The following BSND variants were observed in gnomAD, a reference collection of about 807,000 sequenced individuals.
BSND encodes the protein barttin.
Under a neutral mutation model 18.8 loss-of-function variants are expected in BSND, and 13 were observed. The ratio of observed to expected loss-of-function variants is 0.69; its 90% CI spans 0.45 to 1.10. BSND has a LOEUF of 1.10. Among genes scored for constraint, BSND ranks in the 50% least tolerant of loss-of-function variants. BSND has a pLI of 0.00. For synonymous variants in BSND, 170 were observed against 161.8 expected (o/e 1.05, Z -0.39); for missense variants, 379 against 416.7 (o/e 0.91, Z 0.79).
chr1:55,004,932 G>A, intron 1 of BSND, 90 bp from the exon 2 acceptor site: 1 of 1,211,642 alleles, frequency 8.3e-7, no homozygotes, highest in Non-Finnish European at 1.2e-6. Flanking sequence ...GTCTCCCAGA[G>A]CTCATGGAGA....
chr1:55,008,610 G>C lies in BSND; in HGVS notation c.945G>C (p.Glu315Asp), dbSNP rs747346387. Residue 315 changes from glutamate to aspartate, a missense_variant, in exon 4 of 4, where the codon GAG (glutamate) becomes GAC (aspartate). Physicochemically the swap from Glu to Asp is conservative, Grantham distance 45. Coordinates refer to ENST00000651561, the MANE Select transcript of BSND (RefSeq NM_057176.3). The part of the protein sequence containing the change: ...DLLPDKELGF[E>D]PDTQG Reference sequence around the variant, plus strand: ...TCCCGGACAAGGAGCTGGGTTTTGAGCCTGACACCCAAGGCTGAGATGTTT... The same window carrying C: ...TCCCGGACAAGGAGCTGGGTTTTGACCCTGACACCCAAGGCTGAGATGTTT... 1 of 1,614,172 alleles carries C rather than the reference G, an allele frequency of 6.2e-7. No individual in the cohort carries two copies. Among genetic ancestry groups the C allele is most frequent in the Admixed American group, 1.7e-5 (1 of 60,030 alleles).
chr1:55,005,626 G>T (rs9661809), intron 2 of BSND, among the ~76,000 whole-genome samples: 48,765 of 152,132 alleles, frequency 0.32, 9,813 homozygotes, highest in African/African-American at 0.57. Context: ...AGATAATATA[G>T]GCAGAGTGCT....
chr1:55,001,524 C>G (rs907616782), intron 1 of BSND, among the ~76,000 whole-genome samples: 53 of 152,102 alleles, frequency 3.5e-4, no homozygotes, highest in African/African-American at 1.3e-3. Flanking sequence ...CTGCAGTGCT[C>G]CTGCCTGTCC....
At chr1:55,003,570 T>C (rs889075507) in intron 1 of BSND, among the ~76,000 whole-genome samples, 1 of 152,170 alleles carries the variant, frequency 6.6e-6, no homozygotes, top group Non-Finnish European at 1.5e-5. Context: ...GACAAGTGTC[T>C]TCTACTCACT....
rs140033441 is a variant in BSND at position 55,008,816 on chromosome 1, T to C, written c.*188T>C. ...TATTAGTGGACTCTTGTTTTTCCAA[T>C]AGTTAGTGGTCTTTGGCCAACCTTT... On this transcript the variant is annotated 3_prime_UTR_variant, in exon 4 of 4. Transcript: ENST00000651561. 3.4e-6 allele frequency: 3 copies of C among 882,096 alleles called. No individual in the cohort carries two copies. The highest frequency in any genetic ancestry group is 1.7e-5 in the African/African-American group (1 of 59,384). 54.6% of individuals were successfully genotyped at this position (882,096 alleles called of 1,614,324 possible). A position where few individuals can be genotyped will look rare whatever the true frequency, so the allele number is the denominator to read the frequency against.
rs914373385 is a variant in BSND at position 55,012,183 on chromosome 1, A to C, written c.*3555A>C. ...CCGACCGCTCGCCATGACCTTGGGT[A>C]CATCACAGCCCTCCCTGGGCTCCTC... On this transcript the variant is annotated 3_prime_UTR_variant, in exon 4 of 4. Transcript: ENST00000651561. Among the ~76,000 whole-genome samples, 3 of 152,188 alleles carry C rather than the reference A, an allele frequency of 2.0e-5. No homozygotes were observed. Among genetic ancestry groups the C allele is most frequent in the Non-Finnish European group, 2.9e-5 (2 of 68,016 alleles).
chr1:55,012,515 C>A lies in BSND; in HGVS notation c.*3887C>A, dbSNP rs2479399. ...CATTTATGCAGTGGGGAGGATAATA[C>A]CTCCCTCTTGGGCTTTTGTGGAGAA... On this transcript the variant is annotated 3_prime_UTR_variant, in exon 4 of 4. Coordinates refer to ENST00000651561, the MANE Select transcript of BSND (RefSeq NM_057176.3). Among the ~76,000 whole-genome samples the A allele has an allele frequency of 0.23, 35,329 of 152,114 alleles. 5,002 individuals are homozygous for A. Among genetic ancestry groups the A allele is most frequent in the African/African-American group, 0.39 (16,230 of 41,444 alleles).
In BSND at chr1:54,999,150, C is replaced by G. The variant is rs1266614777; in HGVS notation, c.-37C>G. 6.2e-7 allele frequency: 1 copy of G among 1,611,466 alleles called. No homozygotes were observed. The highest frequency in any genetic ancestry group is 1.7e-5 in the Admixed American group (1 of 60,020). On this transcript the variant is annotated 5_prime_UTR_variant, in exon 1 of 4. Transcript: ENST00000651561. ...AGGCTGAACTACAGCCACCCCCTCTCCCGGGGGTGTGCAGGCCAGGGACTG... is the reference window on the plus strand; with the variant it reads ...AGGCTGAACTACAGCCACCCCCTCTGCCGGGGGTGTGCAGGCCAGGGACTG...
In BSND at chr1:55,008,699, T is replaced by C. The variant is rs1644405266; in HGVS notation, c.*71T>C. On this transcript the variant is annotated 3_prime_UTR_variant, in exon 4 of 4. Transcript: ENST00000651561. Reference sequence around the variant, plus strand: ...CTGTGTGACATCACAGGGCCTCAGTTTCCCTATCTGCAAAATGGGATGATA... The same window carrying C: ...CTGTGTGACATCACAGGGCCTCAGTCTCCCTATCTGCAAAATGGGATGATA... The C allele has an allele frequency of 6.2e-7, 1 of 1,609,768 alleles. No individual in the cohort carries two copies. The highest frequency in any genetic ancestry group is 1.7e-5 in the Admixed American group (1 of 59,994).
In BSND at chr1:55,008,260, G is replaced by T. The variant is rs1170774377; in HGVS notation, c.595G>T (p.Asp199Tyr). Residue 199 changes from aspartate (D) to tyrosine (Y), a missense_variant, in exon 4 of 4, where the codon GAT (aspartate) becomes TAT (tyrosine). Physicochemically the swap from Asp to Tyr is radical, Grantham distance 160. Coordinates refer to ENST00000651561, the MANE Select transcript of BSND (RefSeq NM_057176.3). The part of the protein sequence containing the change: ...QGPAPLASFQ[D>Y]DLDMDSSEGS... ...CCCTGCCCCCTTGGCTTCCTTCCAAGATGACCTGGACATGGACTCCAGTGA... is the reference window on the plus strand; with the variant it reads ...CCCTGCCCCCTTGGCTTCCTTCCAATATGACCTGGACATGGACTCCAGTGA... 8 of 1,614,060 alleles carry T rather than the reference G, an allele frequency of 5.0e-6. No homozygotes were observed. The highest frequency in any genetic ancestry group is 6.8e-6 in the Non-Finnish European group (8 of 1,180,042).
intron 3 of BSND, 152 bp from the exon 4 acceptor site, chr1:55,008,062 A>G (rs1404503745): frequency 1.5e-6 from 1 of 674,356 alleles, no homozygotes; most frequent in Non-Finnish European, 2.6e-6. Flanking sequence ...AACCTAAGAA[A>G]GAACTGCAGG....
Position 55,016,108 on chromosome 1 carries a change from A to T in BSND, c.*7480A>T, listed in dbSNP as rs1644450147. 6.6e-6 allele frequency among the ~76,000 whole-genome samples: 1 copy of T among 152,194 alleles called. No homozygotes were observed. Among genetic ancestry groups the T allele is most frequent in the Non-Finnish European group, 1.5e-5 (1 of 68,020 alleles). ...CTGGAGCACATGGAAGGCCCCAGTG[A>T]TGGACAAGGACAAAGCTACAGTTTC... On this transcript the variant is annotated 3_prime_UTR_variant, in exon 4 of 4. Coordinates refer to ENST00000651561, the MANE Select transcript of BSND (RefSeq NM_057176.3).
At chr1:55,006,547 T>A (rs1249922194) in intron 2 of BSND, among the ~76,000 whole-genome samples, 1 of 151,906 alleles carries the variant, frequency 6.6e-6, no homozygotes, top group African/African-American at 2.4e-5. Flanking sequence ...CAGGAAGGAG[T>A]TCCCCATTGC....
intron 1 of BSND, among the ~76,000 whole-genome samples, chr1:55,001,508 C>T (rs1015041636): frequency 6.6e-5 from 10 of 152,096 alleles, no homozygotes; most frequent in Non-Finnish European, 1.2e-4. Context: ...CCTGGGCCAA[C>T]GCTGCCTGCA....
rs562718214 is a variant in BSND, at chr1:55,014,195, C to T, written c.*5567C>T. Among the ~76,000 whole-genome samples, 1 of 152,328 alleles carries T rather than the reference C, an allele frequency of 6.6e-6. No homozygotes were observed. The highest frequency in any genetic ancestry group is 2.4e-5 in the African/African-American group (1 of 41,578). The stretch of plus-strand genomic sequence containing the variant: ...GCAAGGAACAGTAGTGCTGGTGGAA[C>T]AGAATTGAACCGAACCGGGTGCCCA... On this transcript the variant is annotated 3_prime_UTR_variant, in exon 4 of 4. Transcript: ENST00000651561.
intron 3 of BSND, among the ~76,000 whole-genome samples, chr1:55,007,880 C>G (rs74072612): frequency 6.6e-6 from 1 of 152,174 alleles, no homozygotes; most frequent in Non-Finnish European, 1.5e-5. Flanking sequence ...CAAAGACACC[C>G]GGGGACACCT....
In BSND at chr1:55,016,346, C is replaced by T. The variant is rs1005851923; in HGVS notation, c.*7718C>T. On this transcript the variant is annotated 3_prime_UTR_variant, in exon 4 of 4. Coordinates refer to ENST00000651561, the MANE Select transcript of BSND (RefSeq NM_057176.3). The stretch of plus-strand genomic sequence containing the variant: ...AGAAACAAATGAAAACATGGTTAAC[C>T]TCAGGGGAATGCAAATTAAAACAAG... Among the ~76,000 whole-genome samples, 13 of 152,264 alleles carry T rather than the reference C, an allele frequency of 8.5e-5. No individual in the cohort carries two copies. Among genetic ancestry groups the T allele is most frequent in the Admixed American group, 5.2e-4 (8 of 15,300 alleles).
At chr1:55,001,394 C>G (rs1008545108) in intron 1 of BSND, among the ~76,000 whole-genome samples, 2 of 151,928 alleles carry the variant, frequency 1.3e-5, no homozygotes, top group African/African-American at 4.8e-5. Context: ...GCTGGTAGAG[C>G]CAGCACAAAT....
rs534801204 is a variant in BSND at position 55,004,221 on chromosome 1, T to C, written c.178-801T>C. Among the ~76,000 whole-genome samples, 13 of 152,400 alleles carry C rather than the reference T, an allele frequency of 8.5e-5. No homozygotes were observed. The South Asian group carries it at 2.5e-3, about 29-fold the overall frequency. On this transcript the variant is annotated intron_variant, in intron 1 of 3. Coordinates refer to ENST00000651561, the MANE Select transcript of BSND (RefSeq NM_057176.3). Reference sequence around the variant, plus strand: ...ATATGGATAGACTATATTTTGTTTATCCATTCATTCATCAGTGGATACTTG... The same window carrying C: ...ATATGGATAGACTATATTTTGTTTACCCATTCATTCATCAGTGGATACTTG...
Sources: allele counts gnomAD v4.1 joint callset (sites outside exome capture counted in the v4.1 genomes callset), GRCh38; gene constraint gnomAD v4.1.1; transcripts MANE v1.5; gene names NCBI Gene and HGNC (gene_info 2026-07-23, HGNC 2026-07-21).